ARB2A: variants seen among roughly 807,000 people sequenced by gnomAD.
The protein encoded by ARB2A is cotranscriptional regulator ARB2A.
At chr5:93,741,559 G>C in the ARB2A span, 3 of 1,548,960 alleles carry the variant, frequency 1.9e-6, no homozygotes, top group Non-Finnish European at 8.7e-7. Flanking sequence ...CCTGTGTCCG[G>C]CCATGGGTGG....
the ARB2A span, among the ~76,000 whole-genome samples, chr5:94,099,648 A>AAC: frequency 6.6e-6 from 1 of 151,138 alleles, no homozygotes; most frequent in South Asian, 2.1e-4. Flanking sequence ...AAAAAAAAAA[A>AAC]AAACCGAAAA....
chr5:93,620,591 T>G, the ARB2A span: 3 of 163,518 alleles, frequency 1.8e-5, no homozygotes, highest in African/African-American at 2.4e-5. Flanking sequence ...AAGATGGACA[T>G]GATTAAGGAG....
chr5:93,633,548 T>C, the ARB2A span, among the ~76,000 whole-genome samples: 4 of 152,318 alleles, frequency 2.6e-5, no homozygotes, highest in African/African-American at 9.6e-5. Flanking sequence ...TCCAGTTCCA[T>C]TGACATTCCT....
chr5:93,740,924 G>A, the ARB2A span: 2 of 1,613,774 alleles, frequency 1.2e-6, no homozygotes, highest in South Asian at 1.1e-5. Flanking sequence ...CTGCTTGCCC[G>A]TCTCCACTTC....
chr5:93,655,082 C>G, the ARB2A span, among the ~76,000 whole-genome samples: 1 of 152,102 alleles, frequency 6.6e-6, no homozygotes, highest in East Asian at 1.9e-4. Flanking sequence ...TGTTTCTTCA[C>G]GTATAAAATT....
the ARB2A span, among the ~76,000 whole-genome samples, chr5:93,998,227 A>C: frequency 3.8e-4 from 58 of 152,122 alleles, no homozygotes; most frequent in African/African-American, 1.3e-3. Context: ...ATTTAACAAA[A>C]TGTTCTTAAA....
At chr5:93,618,400 T>C in the ARB2A span, 2 of 152,102 alleles carry the variant, frequency 1.3e-5, no homozygotes, top group Non-Finnish European at 2.9e-5. Flanking sequence ...ATTAAGTATA[T>C]AATTAAAATA....
the ARB2A span, among the ~76,000 whole-genome samples, chr5:93,795,406 TCA>T: frequency 1.3e-5 from 2 of 152,270 alleles, no homozygotes; most frequent in African/African-American, 4.8e-5. Flanking sequence ...GCACGCAGAC[TCA>T]CAGTTTTTCA....
the ARB2A span, among the ~76,000 whole-genome samples, chr5:93,792,850 T>C: frequency 9.2e-4 from 139 of 151,848 alleles, 1 homozygote; most frequent in African/African-American, 3.1e-3. Context: ...TAAAGTATAA[T>C]AATAATAAAA....
At chr5:93,886,323 A>G in the ARB2A span, among the ~76,000 whole-genome samples, 2 of 151,656 alleles carry the variant, frequency 1.3e-5, no homozygotes, top group Admixed American at 6.6e-5. Context: ...GAATCCTTTG[A>G]CCTATGGAAC....
chr5:93,879,818 T>C, the ARB2A span, among the ~76,000 whole-genome samples: 1 of 151,940 alleles, frequency 6.6e-6, no homozygotes, highest in Non-Finnish European at 1.5e-5. Flanking sequence ...ATAAACCTAA[T>C]ATACAATATC....
the ARB2A span, among the ~76,000 whole-genome samples, chr5:93,917,029 T>C: frequency 6.6e-6 from 1 of 152,184 alleles, no homozygotes; most frequent in Non-Finnish European, 1.5e-5. Context: ...ACAAACATAT[T>C]CTTTCCCTTC....
the ARB2A span, among the ~76,000 whole-genome samples, chr5:93,980,535 CTT>C: frequency 6.6e-6 from 1 of 152,142 alleles, no homozygotes; most frequent in Non-Finnish European, 1.5e-5. Flanking sequence ...TTTCCTCACT[CTT>C]TCTTTTTCTA....
At chr5:94,027,834 C>G in the ARB2A span, among the ~76,000 whole-genome samples, 1 of 152,242 alleles carries the variant, frequency 6.6e-6, no homozygotes, top group East Asian at 1.9e-4. Context: ...GGTCAGATGT[C>G]CCAGAGCCTG....
the ARB2A span, among the ~76,000 whole-genome samples, chr5:93,659,432 C>T: frequency 1.3e-5 from 2 of 152,026 alleles, no homozygotes; most frequent in Non-Finnish European, 2.9e-5. Context: ...GAAGTGGTTT[C>T]CATTGGCAAT....
At chr5:93,740,407 T>G in the ARB2A span, 1 of 664,978 alleles carries the variant, frequency 1.5e-6, no homozygotes, top group Non-Finnish European at 2.4e-6. Context: ...CTCTCCCAGG[T>G]TTTTCTTGAA....
chr5:94,001,818 G>C, the ARB2A span, among the ~76,000 whole-genome samples: 53 of 152,070 alleles, frequency 3.5e-4, no homozygotes, highest in Middle Eastern at 3.4e-3. Flanking sequence ...TCTGATGCTT[G>C]CTATGTCTCA....
At chr5:93,950,679 C>T in the ARB2A span, among the ~76,000 whole-genome samples, 407 of 151,338 alleles carry the variant, frequency 2.7e-3, 4 homozygotes, top group African/African-American at 9.1e-3. Context: ...GGCACAGTGG[C>T]TCACGCTGTA....
chr5:94,038,156 A>C, the ARB2A span, among the ~76,000 whole-genome samples: 3 of 152,124 alleles, frequency 2.0e-5, no homozygotes, highest in Non-Finnish European at 4.4e-5. Flanking sequence ...TGAATTATAA[A>C]TTCTCCATTT....
Sources: allele counts gnomAD v4.1 joint callset (sites outside exome capture counted in the v4.1 genomes callset), GRCh38; gene constraint gnomAD v4.1.1; transcripts MANE v1.5; gene names NCBI Gene and HGNC (gene_info 2026-07-23, HGNC 2026-07-21).